FRAS1: variants seen among roughly 807,000 people sequenced by gnomAD.
The protein encoded by FRAS1 is Fraser extracellular matrix complex subunit 1.
In FRAS1, 290 loss-of-function variants were observed where a neutral mutation model predicts 435.2. That is an observed-to-expected ratio of 0.67 (90% CI 0.61 to 0.73). The LOEUF (loss-of-function observed/expected upper bound fraction) is 0.73, where lower values mean the gene tolerates loss of function less well. FRAS1 is among the 30% of genes least tolerant of loss of function. The pLI, the probability that FRAS1 is intolerant of heterozygous loss-of-function variation, is 0.00. For synonymous variants in FRAS1, 1,800 were observed against 1,851.0 expected, an observed-to-expected ratio of 0.97 and a Z score of 0.71; for missense variants, 4,860 against 5,001.5, an observed-to-expected ratio of 0.97 and a Z score of 0.85.
At chr4:78,088,547 C>T (rs562149329) in intron 2 of FRAS1, among the ~76,000 whole-genome samples, 12 of 151,936 alleles carry the variant, frequency 7.9e-5, no homozygotes, top group African/African-American at 1.7e-4. Flanking sequence ...AGGGCTAATA[C>T]CCAGAATCTA....
At chr4:78,416,520 C>G (rs1050377997) in intron 32 of FRAS1, among the ~76,000 whole-genome samples, 1 of 150,704 alleles carries the variant, frequency 6.6e-6, no homozygotes, top group Non-Finnish European at 1.5e-5. Context: ...GGGTGAAACA[C>G]CCAGTGTCTG....
At chr4:78,174,025 G>A (rs1041340444) in intron 2 of FRAS1, among the ~76,000 whole-genome samples, 10 of 152,304 alleles carry the variant, frequency 6.6e-5, no homozygotes, top group East Asian at 1.9e-4. Flanking sequence ...TGATTGCCAC[G>A]TCCCTTGGTG....
intron 41 of FRAS1, 109 bp downstream of exon 41, chr4:78,441,406 C>A: frequency 1.9e-6 from 2 of 1,042,376 alleles, no homozygotes; most frequent in Admixed American, 2.8e-5. Flanking sequence ...AGGAGGGGAA[C>A]CATTTCAAAG....
chr4:78,516,865 A>G (rs527591150), intron 66 of FRAS1, among the ~76,000 whole-genome samples: 1 of 152,344 alleles, frequency 6.6e-6, no homozygotes, highest in Admixed American at 6.5e-5. Context: ...TGTAGGGATT[A>G]TGGGGATTAC....
At chr4:78,078,069 CTGTT>C (rs1740737771) in intron 2 of FRAS1, among the ~76,000 whole-genome samples, 1 of 152,066 alleles carries the variant, frequency 6.6e-6, no homozygotes, top group African/African-American at 2.4e-5. Context: ...AATATGCACA[CTGTT>C]TGGCTAGCTA....
intron 61 of FRAS1, among the ~76,000 whole-genome samples, chr4:78,506,251 T>C (rs62310271): frequency 0.33 from 50,043 of 152,114 alleles, 8,970 homozygotes; most frequent in South Asian, 0.52. Context: ...TGAGCTCAAA[T>C]GCCATGCTGG....
chr4:78,498,460 C>T (rs1387324714), intron 60 of FRAS1, among the ~76,000 whole-genome samples: 7 of 150,908 alleles, frequency 4.6e-5, no homozygotes, highest in Non-Finnish European at 1.0e-4. Context: ...GAGCTGAGAT[C>T]GTGCCATTGC....
At chr4:78,371,791 G>A (rs188308409) in intron 23 of FRAS1, among the ~76,000 whole-genome samples, 2 of 152,256 alleles carry the variant, frequency 1.3e-5, no homozygotes, top group East Asian at 1.9e-4. Context: ...TTCTGACTGC[G>A]TCAGAATTGC....
At chr4:78,203,006 G>T (rs1263642816) in intron 2 of FRAS1, among the ~76,000 whole-genome samples, 1 of 152,192 alleles carries the variant, frequency 6.6e-6, no homozygotes, top group African/African-American at 2.4e-5. Context: ...CATACTGGAT[G>T]AACCAAGCTA....
At chr4:78,241,615 A>G (rs1337583865) in intron 3 of FRAS1, among the ~76,000 whole-genome samples, 1 of 152,116 alleles carries the variant, frequency 6.6e-6, no homozygotes, top group Non-Finnish European at 1.5e-5. Flanking sequence ...GTTGCTGGAC[A>G]TTGAGGATAA....
intron 26 of FRAS1, among the ~76,000 whole-genome samples, chr4:78,376,628 G>A (rs1731775088): frequency 6.6e-6 from 1 of 152,090 alleles, no homozygotes. Context: ...AATAGTATGA[G>A]GAGTCTGCTT....
At chr4:78,251,110 C>G (rs1294160200) in intron 4 of FRAS1, among the ~76,000 whole-genome samples, 2 of 152,116 alleles carry the variant, frequency 1.3e-5, no homozygotes, top group African/African-American at 4.8e-5. Flanking sequence ...TAAGTTCTTT[C>G]TTTGCTTTCA....
chr4:78,193,700 A>G (rs1351546720), intron 2 of FRAS1, among the ~76,000 whole-genome samples: 2 of 152,198 alleles, frequency 1.3e-5, no homozygotes, highest in Non-Finnish European at 2.9e-5. Context: ...AATACAGCAC[A>G]CTGATGGGTC....
chr4:78,273,044 G>T (rs1337203433), intron 9 of FRAS1, among the ~76,000 whole-genome samples: 1 of 152,100 alleles, frequency 6.6e-6, no homozygotes, highest in Non-Finnish European at 1.5e-5. Flanking sequence ...TTGTAAGTTG[G>T]ATTCCTAGGT....
intron 2 of FRAS1, among the ~76,000 whole-genome samples, chr4:78,081,555 G>A (rs952159132): frequency 6.6e-6 from 1 of 151,992 alleles, no homozygotes; most frequent in Non-Finnish European, 1.5e-5. Context: ...GGGGTAAGGG[G>A]GTGAAACCAA....
chr4:78,180,571 G>C (rs1209586618), intron 2 of FRAS1, among the ~76,000 whole-genome samples: 1 of 152,138 alleles, frequency 6.6e-6, no homozygotes, highest in Non-Finnish European at 1.5e-5. Flanking sequence ...GTTTGGAAAT[G>C]CATATTTGCA....
intron 2 of FRAS1, among the ~76,000 whole-genome samples, chr4:78,203,533 GC>G (rs2110078049): frequency 6.6e-6 from 1 of 151,836 alleles, no homozygotes; most frequent in African/African-American, 2.4e-5. Context: ...TCTTGTTTCA[GC>G]TCTTCTCTCT....
chr4:78,239,064 C>T (rs73827906), intron 3 of FRAS1, among the ~76,000 whole-genome samples: 1,910 of 152,280 alleles, frequency 0.013, 34 homozygotes, highest in African/African-American at 0.043. Flanking sequence ...ACCTTGGCTG[C>T]AACAATAGCA....
At chr4:78,371,867 A>G (rs976518559) in intron 23 of FRAS1, among the ~76,000 whole-genome samples, 1 of 152,222 alleles carries the variant, frequency 6.6e-6, no homozygotes, top group African/African-American at 2.4e-5. Flanking sequence ...TACAGCAGCA[A>G]CATGTTTTCC....
Sources: gnomAD v4.1 joint callset for allele counts (sites outside exome capture counted in the v4.1 genomes callset) on GRCh38, gnomAD v4.1.1 for gene constraint, MANE v1.5 for transcripts, NCBI Gene and HGNC (gene_info 2026-07-23, HGNC 2026-07-21) for gene names.